The following SORBS2 variants were observed in gnomAD, a reference collection of about 807,000 sequenced individuals.
SORBS2 encodes sorbin and SH3 domain-containing protein 2.
Under a neutral mutation model 97.7 loss-of-function variants are expected in SORBS2, and 46 were observed. The observed-to-expected ratio is 0.47, with a 90% CI of 0.37 to 0.60. SORBS2 has a LOEUF of 0.60. SORBS2 is among the 20% of genes least tolerant of loss of function. SORBS2 has a pLI of 0.00. For missense variants in SORBS2, 1,316 were observed against 1,282.3 expected (o/e 1.03, Z -0.40); for synonymous variants, 476 against 473.4 (o/e 1.01, Z -0.07).
intron 2 of SORBS2, among the ~76,000 whole-genome samples, chr4:185,692,114 A>G (rs1418349032): frequency 6.6e-6 from 1 of 152,214 alleles, no homozygotes; most frequent in African/African-American, 2.4e-5. Flanking sequence ...TTATTTACCC[A>G]TACCCTGAAA....
intron 1 of SORBS2, among the ~76,000 whole-genome samples, chr4:185,825,063 C>T (rs2099199014): frequency 6.6e-6 from 1 of 152,182 alleles, no homozygotes; most frequent in Non-Finnish European, 1.5e-5. Flanking sequence ...AGATTCTGCA[C>T]CCTCCCCTGG....
chr4:185,620,066 T>G, exon 8 of SORBS2: 1 of 1,597,456 alleles, frequency 6.3e-7, no homozygotes, highest in South Asian at 1.1e-5. Flanking sequence ...TAACTACCTC[T>G]TTTTCTGGAG....
At chr4:185,801,016 A>G (rs1355064470) in intron 1 of SORBS2, among the ~76,000 whole-genome samples, 3 of 152,156 alleles carry the variant, frequency 2.0e-5, no homozygotes, top group African/African-American at 2.4e-5. Context: ...CCTATAACTG[A>G]AAGTCTGTGC....
chr4:185,757,545 A>G (rs1291753002), intron 2 of SORBS2, among the ~76,000 whole-genome samples: 11 of 152,242 alleles, frequency 7.2e-5, no homozygotes, highest in Non-Finnish European at 1.5e-4. Flanking sequence ...TCAAGATATT[A>G]AAATAGCATT....
At chr4:185,889,883 A>AT (rs1169311940) in intron 1 of SORBS2, among the ~76,000 whole-genome samples, 5 of 151,670 alleles carry the variant, frequency 3.3e-5, no homozygotes, top group African/African-American at 4.8e-5. Flanking sequence ...TGCCAGAATA[A>AT]TTTTTTTTCT....
At chr4:185,818,326 A>G (rs1163952794) in intron 1 of SORBS2, among the ~76,000 whole-genome samples, 1 of 151,982 alleles carries the variant, frequency 6.6e-6, no homozygotes, top group Non-Finnish European at 1.5e-5. Flanking sequence ...AGTAGCTGGG[A>G]TTACAGGTGT....
chr4:185,683,988 C>A (rs887196851), intron 2 of SORBS2, among the ~76,000 whole-genome samples: 8 of 151,446 alleles, frequency 5.3e-5, no homozygotes, highest in African/African-American at 2.0e-4. Context: ...AAGCAGTCCC[C>A]AAACTGCAGC....
intron 2 of SORBS2, among the ~76,000 whole-genome samples, chr4:185,762,547 T>C (rs186324385): frequency 1.3e-5 from 2 of 150,480 alleles, no homozygotes; most frequent in Non-Finnish European, 2.9e-5. Context: ...TCAGAGAGAC[T>C]GAAGGTAAAT....
rs556335479 is a variant in SORBS2, at chr4:185,638,610, C to T, written c.397-8012G>A. 1.5e-4 allele frequency among the ~76,000 whole-genome samples: 22 copies of T among 151,380 alleles called. 1 individual carries two copies. The highest frequency in any genetic ancestry group is 8.8e-5 in the Non-Finnish European group (6 of 67,886). ...GGCTAGCAGTCCCAGCATGGGAGCC[C>T]GCAGTCTGCAGACAATTCACTCGGG... On this transcript the variant is annotated intron_variant, in intron 4 of 14. Coordinates refer to ENST00000418609, the Ensembl canonical transcript of SORBS2.
At chr4:185,868,305 T>TACAC (rs1561251002) in intron 1 of SORBS2, among the ~76,000 whole-genome samples, 1 of 151,126 alleles carries the variant, frequency 6.6e-6, no homozygotes, top group African/African-American at 2.4e-5. Context: ...TACAGGCGTG[T>TACAC]GCCACCATGC....
chr4:185,929,907 C>T (rs536666508), intron 1 of SORBS2, among the ~76,000 whole-genome samples: 6 of 152,206 alleles, frequency 3.9e-5, no homozygotes, highest in East Asian at 1.9e-4. Context: ...CTGCTATTGA[C>T]GGGGATGAAC....
chr4:185,929,283 G>A (rs1054730382), intron 1 of SORBS2, among the ~76,000 whole-genome samples: 1 of 152,108 alleles, frequency 6.6e-6, no homozygotes, highest in Admixed American at 6.5e-5. Context: ...AGCGCTGAAG[G>A]AATTTGGATT....
chr4:185,591,722 GC>G (rs1417397321), intron 13 of SORBS2, among the ~76,000 whole-genome samples: 2 of 152,130 alleles, frequency 1.3e-5, no homozygotes, highest in Non-Finnish European at 2.9e-5. Context: ...CTTGAACCCT[GC>G]CCAGGCTCAT....
rs575412338 is a variant in SORBS2, at chr4:185,715,822, A to G, written c.-197-37000T>C. Among the ~76,000 whole-genome samples the G allele has an allele frequency of 4.6e-5, 7 of 152,348 alleles. No individual in the cohort carries two copies. The South Asian group carries it at 6.2e-4, about 14-fold the overall frequency. On this transcript the variant is annotated intron_variant, in intron 2 of 20. Transcript: ENST00000284776. ...ATAAAAAAAGAGTGAAAACTACTAA[A>G]TGCTCAATAGATAAATAATAAATCT...
chr4:185,633,991 T>C (rs2153436880), intron 4 of SORBS2, among the ~76,000 whole-genome samples: 1 of 152,306 alleles, frequency 6.6e-6, no homozygotes, highest in East Asian at 1.9e-4. Flanking sequence ...TAACATAACA[T>C]ACAGAATATA....
chr4:185,766,301 C>T (rs560399071), intron 2 of SORBS2, among the ~76,000 whole-genome samples: 1 of 152,194 alleles, frequency 6.6e-6, no homozygotes, highest in Non-Finnish European at 1.5e-5. Context: ...ACACTTGGCT[C>T]TGCTGGGACC....
Position 185,593,885 on chromosome 4 carries a change from C to T in SORBS2, c.2846+1G>A, listed in dbSNP as rs1394702260. 1.9e-6 allele frequency: 3 copies of T among 1,592,632 alleles called. No homozygotes were observed. Among genetic ancestry groups the T allele is most frequent in the Non-Finnish European group, 2.6e-6 (3 of 1,160,704 alleles). On this transcript the variant is annotated splice_donor_variant, in intron 13 of 14. Transcript: ENST00000418609. LOFTEE classifies it high-confidence loss of function. ...ATTTAGAAGATAAGAAGAATACTTA[C>T]GGTTCCCCCCCACCTTGAATATTTT...
At chr4:185,765,637 C>T (rs570611218) in intron 2 of SORBS2, among the ~76,000 whole-genome samples, 1 of 152,272 alleles carries the variant, frequency 6.6e-6, no homozygotes, top group East Asian at 1.9e-4. Flanking sequence ...GACAAAAAAA[C>T]ACGTGTGTGC....
intron 4 of SORBS2, among the ~76,000 whole-genome samples, chr4:185,669,349 C>A (rs2097671965): frequency 6.6e-6 from 1 of 152,174 alleles, no homozygotes; most frequent in African/African-American, 2.4e-5. Flanking sequence ...ATATCCTTTG[C>A]CTTGAAACAC....
Sources: gnomAD v4.1 joint callset for allele counts (sites outside exome capture counted in the v4.1 genomes callset) on GRCh38, gnomAD v4.1.1 for gene constraint, MANE v1.5 for transcripts, NCBI Gene and HGNC (gene_info 2026-07-23, HGNC 2026-07-21) for gene names.